The following DYNC2H1 variants were observed in gnomAD, a reference collection of about 807,000 sequenced individuals.
DYNC2H1 encodes the protein cytoplasmic dynein 2 heavy chain 1.
Under a neutral mutation model 570.0 loss-of-function variants are expected in DYNC2H1, and 410 were observed. The ratio of observed to expected loss-of-function variants is 0.72; its 90% CI spans 0.66 to 0.78. The LOEUF is 0.78. Among genes scored for constraint, DYNC2H1 ranks in the 30% least tolerant of loss-of-function variants. The pLI, the probability that DYNC2H1 is intolerant of heterozygous loss-of-function variation, is 0.00. For missense variants in DYNC2H1, 4,865 were observed against 5,046.4 expected (o/e 0.96, Z 1.09); for synonymous variants, 1,688 against 1,677.6 (o/e 1.01, Z -0.15).
chr11:103,299,200 C>T lies in DYNC2H1; in HGVS notation c.11096-3893C>T, dbSNP rs1248633224. Among the ~76,000 whole-genome samples, 2 of 152,058 alleles carry T rather than the reference C, an allele frequency of 1.3e-5. No individual in the cohort carries two copies. Among genetic ancestry groups the T allele is most frequent in the Non-Finnish European group, 2.9e-5 (2 of 67,994 alleles). ...AGTTATTTTTGAACTATGCATCTTT[C>T]CTAGTTTTACAGTTCTGTACCTCTT... On this transcript the variant is annotated intron_variant, in intron 75 of 88. Coordinates refer to ENST00000375735, the MANE Select transcript of DYNC2H1 (RefSeq NM_001377.3). The surrounding 1 kb of genome is among the most constrained non-coding windows in gnomAD (Gnocchi z 4.5).
In DYNC2H1 at chr11:103,215,751, G is replaced by A; in HGVS notation, c.8725G>A (p.Ala2909Thr). 1 of 1,610,846 alleles carries A rather than the reference G, an allele frequency of 6.2e-7. No individual in the cohort carries two copies. Residue 2909 changes from alanine (A) to threonine (T), a missense_variant, in exon 55 of 89, where the codon GCT becomes ACT. Transcript: ENST00000375735. Reference sequence around the variant, plus strand: ...TGTATCTAAACTAAATGAAGCTAAAGCTCTTGTGGATGAACTGAACAGAAA... The same window carrying A: ...TGTATCTAAACTAAATGAAGCTAAAACTCTTGTGGATGAACTGAACAGAAA... ...AGVSKLNEAK[A>T]LVDELNRKAG...
intron 85 of DYNC2H1, among the ~76,000 whole-genome samples, chr11:103,438,122 T>C (rs925464671): frequency 1.3e-5 from 2 of 152,096 alleles, no homozygotes; most frequent in Admixed American, 6.6e-5. Flanking sequence ...ATAGCTTACC[T>C]TTCATCCTTC....
intron 18 of DYNC2H1, 75 bp from the exon 19 acceptor site, chr11:103,147,697 T>G (rs190444790): frequency 1.2e-6 from 1 of 842,828 alleles, no homozygotes; most frequent in African/African-American, 1.7e-5. Context: ...CATGAAATCA[T>G]TATAATATTA....
chr11:103,344,715 ATATT>A (rs1405794432), intron 82 of DYNC2H1, among the ~76,000 whole-genome samples: 1 of 152,208 alleles, frequency 6.6e-6, no homozygotes, highest in Admixed American at 6.5e-5. Flanking sequence ...ACTTCTTAGT[ATATT>A]TATGTGTATT....
chr11:103,125,786 A>G (rs545363468), intron 12 of DYNC2H1, among the ~76,000 whole-genome samples: 40 of 152,314 alleles, frequency 2.6e-4, no homozygotes, highest in Admixed American at 2.4e-3. Flanking sequence ...ATCATGACCC[A>G]ACTAAACTGA....
chr11:103,279,755 TC>T (rs1048726920), intron 70 of DYNC2H1, among the ~76,000 whole-genome samples: 2 of 152,216 alleles, frequency 1.3e-5, no homozygotes, highest in African/African-American at 4.8e-5. Flanking sequence ...GATAGTTTTT[TC>T]TGTATTATCT....
chr11:103,291,862 T>G (rs2408581), intron 75 of DYNC2H1, among the ~76,000 whole-genome samples: 25,111 of 151,794 alleles, frequency 0.17, 2,250 homozygotes, highest in Admixed American at 0.25. Context: ...TCTGATATAA[T>G]TATAGCTACT....
intron 47 of DYNC2H1, among the ~76,000 whole-genome samples, chr11:103,193,341 T>C (rs1204067074): frequency 6.6e-6 from 1 of 152,108 alleles, no homozygotes; most frequent in Non-Finnish European, 1.5e-5. Context: ...AGTCTGAAAA[T>C]TGAGTCAGTA....
At chr11:103,113,888 G>A (rs972575271) in intron 2 of DYNC2H1, among the ~76,000 whole-genome samples, 181 bp downstream of exon 2, 1 of 152,008 alleles carries the variant, frequency 6.6e-6, no homozygotes, top group Non-Finnish European at 1.5e-5. Context: ...TAGAGAAATT[G>A]GAGAAAGGTA....
At chr11:103,302,991 C>A in intron 75 of DYNC2H1, 102 bp from the exon 76 acceptor site, 1 of 854,844 alleles carries the variant, frequency 1.2e-6, no homozygotes, top group Non-Finnish European at 1.6e-6. Flanking sequence ...GAGATTACAA[C>A]TCACCTGGGT....
At chr11:103,371,933 T>G (rs1451690228) in intron 83 of DYNC2H1, among the ~76,000 whole-genome samples, 2 of 141,976 alleles carry the variant, frequency 1.4e-5, no homozygotes, top group African/African-American at 2.6e-5. Context: ...TTGGGTTTTT[T>G]TTTTTTTTTT....
chr11:103,225,610 T>C (rs935593286), intron 59 of DYNC2H1, among the ~76,000 whole-genome samples: 1 of 152,212 alleles, frequency 6.6e-6, no homozygotes, highest in African/African-American at 2.4e-5. Flanking sequence ...CATTGGTCTA[T>C]GTGCCTATTT....
chr11:103,279,618 T>C lies in DYNC2H1; in HGVS notation c.10696-730T>C, dbSNP rs540544128. Among the ~76,000 whole-genome samples, 6 of 152,172 alleles carry C rather than the reference T, an allele frequency of 3.9e-5. 1 individual carries two copies. Among genetic ancestry groups the C allele is most frequent in the Non-Finnish European group, 8.8e-5 (6 of 68,014 alleles). ...CATAATCTGTGTTGTAGTTTTCTGA[T>C]AAAGTAGATACGACCTTCTCCTTTG... On this transcript the variant is annotated intron_variant, in intron 70 of 88. Coordinates refer to ENST00000375735, the MANE Select transcript of DYNC2H1 (RefSeq NM_001377.3).
intron 50 of DYNC2H1, among the ~76,000 whole-genome samples, chr11:103,202,294 ATTTT>A (rs10635156): frequency 7.5e-5 from 10 of 132,714 alleles, no homozygotes; most frequent in South Asian, 2.4e-4. Context: ...AGAAACACAG[ATTTT>A]TTTTTTTTTT....
Position 103,228,832 on chromosome 11 carries a change from G to A in DYNC2H1, c.9354-2428G>A, listed in dbSNP as rs1436362314. Among the ~76,000 whole-genome samples, 2 of 152,142 alleles carry A rather than the reference G, an allele frequency of 1.3e-5. No individual in the cohort carries two copies. Among genetic ancestry groups the A allele is most frequent in the Non-Finnish European group, 2.9e-5 (2 of 68,022 alleles). The stretch of plus-strand genomic sequence containing the variant: ...GACCTTTGTTTTTGGCTACCAGGGT[G>A]GGTAGAGAAAGAACACCTGGTGGGG... On this transcript the variant is annotated intron_variant, in intron 59 of 88. Coordinates refer to ENST00000375735, the MANE Select transcript of DYNC2H1 (RefSeq NM_001377.3). This position sits in a 1 kb window ranked among gnomAD's most constrained non-coding sequence, Gnocchi z 6.1.
chr11:103,208,810 T>C (rs1863036663), intron 52 of DYNC2H1, among the ~76,000 whole-genome samples: 1 of 152,064 alleles, frequency 6.6e-6, no homozygotes, highest in Non-Finnish European at 1.5e-5. Context: ...TAAAGCAAAT[T>C]AATAGGCTTA....
intron 12 of DYNC2H1, among the ~76,000 whole-genome samples, chr11:103,128,384 G>A (rs181839817): frequency 6.6e-6 from 1 of 152,298 alleles, no homozygotes; most frequent in Non-Finnish European, 1.5e-5. Context: ...GAGAGTGTAT[G>A]GATTGGGATG....
intron 82 of DYNC2H1, among the ~76,000 whole-genome samples, chr11:103,328,854 G>T (rs1938628087): frequency 6.6e-6 from 1 of 152,158 alleles, no homozygotes; most frequent in African/African-American, 2.4e-5. Context: ...CCGTAGGGAT[G>T]TTACATTAAC....
chr11:103,229,848 G>A (rs1863939118), intron 59 of DYNC2H1, among the ~76,000 whole-genome samples: 1 of 152,136 alleles, frequency 6.6e-6, no homozygotes, highest in Admixed American at 6.5e-5. Context: ...TATTGTATGT[G>A]ATCAATAATT....
Sources: allele counts gnomAD v4.1 joint callset (sites outside exome capture counted in the v4.1 genomes callset), GRCh38; gene constraint gnomAD v4.1.1; non-coding constraint Gnocchi (gnomAD v3.1); transcripts MANE v1.5; gene names NCBI Gene and HGNC (gene_info 2026-07-23, HGNC 2026-07-21).